The following LY96 variants were observed in gnomAD, a reference collection of about 807,000 sequenced individuals.
The protein encoded by LY96 is lymphocyte antigen 96.
Under a neutral mutation model 18.9 loss-of-function variants are expected in LY96, and 18 were observed. The ratio of observed to expected loss-of-function variants is 0.95; its 90% CI spans 0.66 to 1.41. The LOEUF is 1.41. Among genes scored for constraint, LY96 ranks in the 40% most tolerant of loss-of-function variants. The pLI, the probability that LY96 is intolerant of heterozygous loss-of-function variation, is 0.00. For synonymous variants in LY96, 66 were observed against 62.6 expected (o/e 1.06, Z -0.26); for missense variants, 175 against 182.4 (o/e 0.96, Z 0.23).
the LY96 span, among the ~76,000 whole-genome samples, chr8:74,071,314 A>G: frequency 6.7e-6 from 1 of 149,544 alleles, no homozygotes; most frequent in Non-Finnish European, 1.5e-5. Context: ...AGAAACAGAA[A>G]AATGTTTTTT....
the LY96 span, among the ~76,000 whole-genome samples, chr8:74,035,667 C>T: frequency 1.3e-5 from 2 of 152,098 alleles, no homozygotes; most frequent in Non-Finnish European, 2.9e-5. Flanking sequence ...CAACATAGAC[C>T]TTAAGTCTGA....
intron 3 of LY96, among the ~76,000 whole-genome samples, chr8:74,017,261 A>T (rs887630552): frequency 3.9e-5 from 6 of 152,222 alleles, no homozygotes; most frequent in African/African-American, 1.4e-4. Flanking sequence ...CACATGCAGA[A>T]GCTTCAGTAG....
At chr8:74,034,187 A>G in the LY96 span, among the ~76,000 whole-genome samples, 1 of 152,190 alleles carries the variant, frequency 6.6e-6, no homozygotes. Context: ...CCTAGCCAAC[A>G]TGGAGAAACC....
At chr8:74,062,006 A>C in the LY96 span, among the ~76,000 whole-genome samples, 1 of 152,244 alleles carries the variant, frequency 6.6e-6, no homozygotes, top group South Asian at 2.1e-4. Flanking sequence ...AAATTATTGC[A>C]AAATGAGCAT....
At chr8:74,065,164 C>T in the LY96 span, among the ~76,000 whole-genome samples, 1 of 152,194 alleles carries the variant, frequency 6.6e-6, no homozygotes, top group Admixed American at 6.5e-5. Context: ...GATCCCACTT[C>T]TAGATGTCTC....
chr8:74,022,760 T>A (rs2131281791), intron 3 of LY96, among the ~76,000 whole-genome samples: 1 of 152,010 alleles, frequency 6.6e-6, no homozygotes, highest in East Asian at 2.0e-4. Context: ...TTTGTATGTT[T>A]AATAGAGATG....
At chr8:74,093,904 T>G in the LY96 span, among the ~76,000 whole-genome samples, 2 of 152,206 alleles carry the variant, frequency 1.3e-5, no homozygotes, top group Non-Finnish European at 2.9e-5. Flanking sequence ...AAGCACAGAT[T>G]CTAATTATTT....
intron 2 of LY96, 133 bp from the exon 3 acceptor site, chr8:74,009,868 T>A (rs1289347158): frequency 1.5e-6 from 1 of 679,576 alleles, no homozygotes; most frequent in Non-Finnish European, 2.6e-6. Flanking sequence ...TGACATCTTG[T>A]AGATAGTTGT....
rs140122492 is a variant in LY96, at chr8:74,016,418, C to T, written c.331+6289C>T. ...CGAGGCCTGCCTGCCTCTGTAGACT[C>T]CACCTCTGGGGGCAGGGTATAGCTG... On this transcript the variant is annotated intron_variant, in intron 3 of 4. Coordinates refer to ENST00000284818, the MANE Select transcript of LY96 (RefSeq NM_015364.5). 1.1e-3 allele frequency among the ~76,000 whole-genome samples: 166 copies of T among 152,354 alleles called. 1 individual carries two copies. The East Asian group carries it at 0.031, about 29-fold the overall frequency.
chr8:74,086,674 C>T, the LY96 span, among the ~76,000 whole-genome samples: 1 of 152,204 alleles, frequency 6.6e-6, no homozygotes, highest in Non-Finnish European at 1.5e-5. Flanking sequence ...TCCTCCCCTA[C>T]CCTACGTTCC....
the LY96 span, among the ~76,000 whole-genome samples, chr8:74,054,099 C>T: frequency 6.6e-6 from 1 of 152,160 alleles, no homozygotes; most frequent in Non-Finnish European, 1.5e-5. Context: ...GTGAACAGGG[C>T]TCTCTGCAGC....
chr8:74,009,298 G>A (rs1185821409), intron 2 of LY96, among the ~76,000 whole-genome samples: 1 of 148,366 alleles, frequency 6.7e-6, no homozygotes, highest in Non-Finnish European at 1.5e-5. Flanking sequence ...CAGCGGCTGA[G>A]GCAGAAGAAT....
At chr8:74,004,936 T>A (rs906328994) in intron 2 of LY96, 51 bp downstream of exon 2, 2 of 1,534,440 alleles carry the variant, frequency 1.3e-6, no homozygotes, top group African/African-American at 2.7e-5. Context: ...TTAAGAAATA[T>A]CAGTGATAAA....
chr8:74,096,762 A>G, the LY96 span, among the ~76,000 whole-genome samples: 1 of 152,118 alleles, frequency 6.6e-6, no homozygotes, highest in Non-Finnish European at 1.5e-5. Flanking sequence ...TCCTCAGTGG[A>G]TGTTTGTTGA....
At chr8:74,021,842 A>G (rs1007403311) in intron 3 of LY96, among the ~76,000 whole-genome samples, 8 of 151,932 alleles carry the variant, frequency 5.3e-5, no homozygotes. Context: ...AACACTGCAT[A>G]TTCTCACTCA....
At chr8:73,996,317 TTTCCTTCCTTCCTTCCTTCCTTCC>T (rs58734426) in intron 1 of LY96, among the ~76,000 whole-genome samples, 14 of 116,286 alleles carry the variant, frequency 1.2e-4, no homozygotes, top group African/African-American at 4.2e-4. Flanking sequence ...ACCTGTTTCT[TTTCCTTCCTTCCTTCCTTCCTTCC>T]TTCCTTCCTT....
At chr8:74,065,370 C>A in the LY96 span, among the ~76,000 whole-genome samples, 5 of 152,186 alleles carry the variant, frequency 3.3e-5, no homozygotes, top group South Asian at 2.1e-4. Context: ...GAGTTTGGTT[C>A]TTTTCATCAA....
chr8:74,096,114 C>T, the LY96 span, among the ~76,000 whole-genome samples: 5 of 152,200 alleles, frequency 3.3e-5, no homozygotes, highest in African/African-American at 4.8e-5. Context: ...TCTGGAATCT[C>T]GTTACCACTT....
At chr8:74,031,126 G>T (rs996151437), downstream of LY96, among the ~76,000 whole-genome samples, 3 of 151,568 alleles carry the variant, frequency 2.0e-5, no homozygotes, top group Non-Finnish European at 4.4e-5. Context: ...TCAGTAATAG[G>T]ATTGCCACCT....
Sources: allele counts gnomAD v4.1 joint callset (sites outside exome capture counted in the v4.1 genomes callset), GRCh38; gene constraint gnomAD v4.1.1; transcripts MANE v1.5; gene names NCBI Gene and HGNC (gene_info 2026-07-23, HGNC 2026-07-21).